Variants in MED16 observed in about 807,000 individuals in gnomAD.
The protein encoded by MED16 is mediator of RNA polymerase II transcription subunit 16.
A neutral mutation model predicts 84.4 loss-of-function variants in MED16; 81 were observed. That is an observed-to-expected ratio of 0.96 (90% CI 0.80 to 1.15). MED16 has a LOEUF of 1.15. Ranked by LOEUF, MED16 falls within the 50% of genes most tolerant of loss-of-function variation. The pLI, the probability that MED16 is intolerant of heterozygous loss-of-function variation, is 0.00. For synonymous variants in MED16, 897 were observed against 552.2 expected (o/e 1.62, Z -8.76); for missense variants, 1,585 against 1,245.9 (o/e 1.27, Z -4.10).
In MED16 at chr19:871,187, CTGGGCAGCAGGCAG is replaced by C; in HGVS notation, c.2151_2164del (p.Cys717TrpfsTer19). ...GTCCAGGCTGGGGATAAGCAGCTGG[CTGGGCAGCAGGCAG>C]CATTCATCCACCAGCGCCTCGTCCG... On this transcript the variant is annotated frameshift_variant, in exon 13 of 16. Coordinates refer to ENST00000325464, the MANE Select transcript of MED16 (RefSeq NM_005481.3). LOFTEE classifies it high-confidence loss of function. 6 of 1,549,968 alleles carry C rather than the reference CTGGGCAGCAGGCAG, an allele frequency of 3.9e-6. No homozygotes were observed. The highest frequency in any genetic ancestry group is 5.2e-6 in the Non-Finnish European group (6 of 1,146,762).
chr19:883,825 T>G (rs1251966823), intron 6 of MED16, among the ~76,000 whole-genome samples: 1 of 152,010 alleles, frequency 6.6e-6, no homozygotes, highest in Non-Finnish European at 1.5e-5. Context: ...GCCTGGTGAC[T>G]CACCACGAGG....
At position 867,976 on chromosome 19, in the gene MED16, C is replaced by T. The variant is rs927912288; in HGVS notation, c.*125G>A. The T allele has an allele frequency of 1.5e-5, 19 of 1,288,326 alleles. No individual in the cohort carries two copies. The South Asian group carries it at 1.5e-4, about 10-fold the overall frequency. The allele number at this position is 1,288,326 out of a possible 1,614,324, so 79.8% of individuals were successfully genotyped here. On this transcript the variant is annotated 3_prime_UTR_variant, in exon 16 of 16. Coordinates refer to ENST00000325464, the MANE Select transcript of MED16 (RefSeq NM_005481.3). ...GGGACGCGGGCCTGGGCGCAGAGGG[C>T]GTTTATTGGACCTGTCCTTCCCAGC...
At chr19:871,307 C>A in intron 12 of MED16, 54 bp from the exon 13 acceptor site, 1 of 1,480,444 alleles carries the variant, frequency 6.8e-7, no homozygotes, top group Non-Finnish European at 9.1e-7. Context: ...CACCGCCCGG[C>A]CACCCGGGAC....
intron 8 of MED16, among the ~76,000 whole-genome samples, chr19:877,783 C>A (rs1480540302): frequency 2.0e-5 from 1 of 49,318 alleles, no homozygotes; most frequent in Non-Finnish European, 4.2e-5. Flanking sequence ...CAGCCCCAGC[C>A]CCAGCCCCAG....
chr19:884,778 G>A (rs1378469769), intron 6 of MED16, 125 bp downstream of exon 6: 10 of 709,654 alleles, frequency 1.4e-5, no homozygotes, highest in African/African-American at 7.0e-5. Context: ...AGATCGAGGC[G>A]AGACGATCGC....
chr19:890,466 A>G lies in MED16; in HGVS notation c.170-222T>C, dbSNP rs114768563. On this transcript the variant is annotated intron_variant, in intron 2 of 15. Coordinates refer to ENST00000325464, the MANE Select transcript of MED16 (RefSeq NM_005481.3). ...TGTGTCTTTAAAACCAGATTAGAAGAAAATGACTCCGAAATGTGAACAGTG... is the reference window on the plus strand; with the variant it reads ...TGTGTCTTTAAAACCAGATTAGAAGGAAATGACTCCGAAATGTGAACAGTG... 772 of 451,562 alleles carry G rather than the reference A, an allele frequency of 1.7e-3. 6 individuals carry two copies. Among genetic ancestry groups the G allele is most frequent in the African/African-American group, 0.015 (725 of 49,822 alleles). 28.0% of individuals were successfully genotyped at this position (451,562 alleles called of 1,614,324 possible).
At position 868,073 on chromosome 19, in the gene MED16, C is replaced by T; in HGVS notation, c.*28G>A. On this transcript the variant is annotated 3_prime_UTR_variant, in exon 16 of 16. Transcript: ENST00000325464. ...CCGAGGAGACGCCCGAGCCGGGTCA[C>T]CACAAGGTCCGCCTGGACCCCCGGC... 6.3e-7 allele frequency: 1 copy of T among 1,583,886 alleles called. No homozygotes were observed. The highest frequency in any genetic ancestry group is 1.9e-5 in the Admixed American group (1 of 52,262).
At chr19:868,635 A>G (rs1463803923) in intron 14 of MED16, 136 bp from the exon 15 acceptor site, 1 of 1,261,114 alleles carries the variant, frequency 7.9e-7, no homozygotes, top group African/African-American at 1.5e-5. Context: ...CACCTGCCAC[A>G]GGGCCTCTGC....
rs1046048820 is a variant in MED16 at position 890,495 on chromosome 19, G to A, written c.170-251C>T. ...TGACTCCGAAATGTGAACAGTGGGA[G>A]CCTCTCCACAGCAGATAATAGGTGG... On this transcript the variant is annotated intron_variant, in intron 2 of 15. Coordinates refer to ENST00000325464, the MANE Select transcript of MED16 (RefSeq NM_005481.3). The A allele has an allele frequency of 9.1e-6, 4 of 439,526 alleles. No individual in the cohort carries two copies. The Admixed American group carries it at 1.2e-4, about 13-fold the overall frequency. 27.2% of individuals were successfully genotyped at this position (439,526 alleles called of 1,614,324 possible). A position where few individuals can be genotyped will look rare whatever the true frequency, so the allele number is the denominator to read the frequency against.
Position 869,039 on chromosome 19 carries a change from T to G in MED16, c.2316-93A>C. 5 of 1,118,816 alleles carry G rather than the reference T, an allele frequency of 4.5e-6. No homozygotes were observed. In the South Asian group the frequency reaches 7.6e-5, roughly 17 times the overall value. The allele number at this position is 1,118,816 out of a possible 1,614,324, so 69.3% of individuals were successfully genotyped here. A position where few individuals can be genotyped will look rare whatever the true frequency, so the allele number is the denominator to read the frequency against. On this transcript the variant is annotated intron_variant, in intron 13 of 15. Transcript: ENST00000325464. The stretch of plus-strand genomic sequence containing the variant: ...TGTCCACAGGCGGGGGTGGAGGGAA[T>G]GGCCGGCCTCACACCATCTGCCAGG...
chr19:883,525 G>A (rs576101045), intron 6 of MED16, among the ~76,000 whole-genome samples: 2 of 152,250 alleles, frequency 1.3e-5, no homozygotes, highest in African/African-American at 4.8e-5. Flanking sequence ...GATGGGTGCG[G>A]TGGGGACTGT....
At chr19:871,789 G>A (rs2036069026) in intron 12 of MED16, 137 bp downstream of exon 12, 2 of 369,368 alleles carry the variant, frequency 5.4e-6, no homozygotes, top group Non-Finnish European at 9.9e-6. Context: ...AGAGGGGAGA[G>A]CGGGGAGAAG....
At chr19:881,368 G>C (rs147752650) in intron 7 of MED16, among the ~76,000 whole-genome samples, 191 bp downstream of exon 7, 62 of 152,320 alleles carry the variant, frequency 4.1e-4, no homozygotes, top group Non-Finnish European at 5.9e-4. Context: ...CACAGATCCC[G>C]AAAGATGAGA....
At chr19:881,205 G>T (rs373618894) in intron 7 of MED16, among the ~76,000 whole-genome samples, 1 of 152,188 alleles carries the variant, frequency 6.6e-6, no homozygotes, top group Non-Finnish European at 1.5e-5. Context: ...CGGATGCCAC[G>T]GTTTGAGCTC....
Position 868,008 on chromosome 19 carries a change from T to C in MED16, c.*93A>G, listed in dbSNP as rs2035953824. On this transcript the variant is annotated 3_prime_UTR_variant, in exon 16 of 16. Coordinates refer to ENST00000325464, the MANE Select transcript of MED16 (RefSeq NM_005481.3). The stretch of plus-strand genomic sequence containing the variant: ...TGGACCTGTCCTTCCCAGCCGCTGC[T>C]TGTCCAGGTTCAGCGCTCTCCGCGG... The C allele has an allele frequency of 4.1e-6, 6 of 1,464,702 alleles. No individual in the cohort carries two copies. The South Asian group carries it at 6.8e-5, about 16-fold the overall frequency. The allele number at this position is 1,464,702 out of a possible 1,614,324, so 90.7% of individuals were successfully genotyped here. A position where few individuals can be genotyped will look rare whatever the true frequency, so the allele number is the denominator to read the frequency against.
rs772864532 is a variant in MED16 at position 885,845 on chromosome 19, G to A, written c.804C>T (p.Thr268=). The A allele has an allele frequency of 6.2e-7, 1 of 1,613,786 alleles. No homozygotes were observed. The highest frequency in any genetic ancestry group is 1.3e-5 in the African/African-American group (1 of 75,064). ...EILPSLFMRC[T]TDLNRKDKFP... is the part of the protein sequence containing the mutation. ...ACTTGTCCTTGCGGTTGAGGTCGGTGGTGCAGCGCATGAACAGGGAGGGCA... is the reference window on the plus strand; with the variant it reads ...ACTTGTCCTTGCGGTTGAGGTCGGTAGTGCAGCGCATGAACAGGGAGGGCA... Residue 268 remains threonine, a synonymous_variant, in exon 5 of 16, where the codon ACC becomes ACT. Transcript: ENST00000325464.
At chr19:877,911 C>T (rs375203039) in intron 8 of MED16, among the ~76,000 whole-genome samples, 1 of 137,538 alleles carries the variant, frequency 7.3e-6, no homozygotes. Flanking sequence ...CCCAGCCCCA[C>T]GTGCCCCAGC....
intron 15 of MED16, 27 bp downstream of exon 15, chr19:868,389 G>A (rs760359642): frequency 1.9e-6 from 3 of 1,606,230 alleles, no homozygotes; most frequent in African/African-American, 1.3e-5. Flanking sequence ...GTAGCTGAGG[G>A]GCACCCGCCA....
chr19:881,082 G>A (rs1050521640), intron 7 of MED16, among the ~76,000 whole-genome samples: 1 of 152,126 alleles, frequency 6.6e-6, no homozygotes, highest in Non-Finnish European at 1.5e-5. Context: ...AGGGAACCAG[G>A]GAAGAACGGG....
Sources: allele counts gnomAD v4.1 joint callset (sites outside exome capture counted in the v4.1 genomes callset), GRCh38; gene constraint gnomAD v4.1.1; transcripts MANE v1.5; gene names NCBI Gene and HGNC (gene_info 2026-07-23, HGNC 2026-07-21).